The following TMEM132B variants were observed in gnomAD, a reference collection of about 807,000 sequenced individuals.
TMEM132B encodes the protein transmembrane protein 132B.
In TMEM132B, 18 loss-of-function variants were observed where a neutral mutation model predicts 90.8. The ratio of observed to expected loss-of-function variants is 0.20; its 90% confidence interval spans 0.14 to 0.29. TMEM132B has a LOEUF of 0.29. Among genes scored for constraint, TMEM132B ranks in the 10% least tolerant of loss-of-function variants. TMEM132B has a pLI of 1.00. For synonymous variants in TMEM132B, 504 were observed against 523.3 expected, an observed-to-expected ratio of 0.96 and a Z score of 0.50; for missense variants, 1,096 against 1,326.8, an observed-to-expected ratio of 0.83 and a Z score of 2.70.
chr12:125,235,681 G>A (rs1873919295), intron 1 of TMEM132B, among the ~76,000 whole-genome samples: 1 of 151,606 alleles, frequency 6.6e-6, no homozygotes, highest in African/African-American at 2.4e-5. Flanking sequence ...GATTGGCCAA[G>A]TTTGGGTATT....
intron 3 of TMEM132B, among the ~76,000 whole-genome samples, chr12:125,484,716 G>T (rs543436391): frequency 6.6e-6 from 1 of 151,960 alleles, no homozygotes; most frequent in Non-Finnish European, 1.5e-5. Context: ...CTGCAGCCTT[G>T]ATCTCCCAGG....
intron 4 of TMEM132B, among the ~76,000 whole-genome samples, chr12:125,579,574 G>A (rs892164794): frequency 4.6e-5 from 7 of 152,120 alleles, no homozygotes; most frequent in Non-Finnish European, 1.0e-4. Flanking sequence ...ATGTTGGCCA[G>A]GCTGGTCTCA....
intron 5 of TMEM132B, among the ~76,000 whole-genome samples, chr12:125,610,487 G>C (rs1292450421): frequency 6.6e-6 from 1 of 151,970 alleles, no homozygotes; most frequent in Non-Finnish European, 1.5e-5. Flanking sequence ...TGCTTTTTCT[G>C]TGTCCATTGA....
At chr12:125,266,335 A>G (rs998437355) in intron 1 of TMEM132B, among the ~76,000 whole-genome samples, 2 of 152,268 alleles carry the variant, frequency 1.3e-5, no homozygotes, top group African/African-American at 4.8e-5. Context: ...CTTTATGGAA[A>G]ACATTTGCCA....
intron 5 of TMEM132B, among the ~76,000 whole-genome samples, chr12:125,598,712 T>G (rs1423365066): frequency 6.6e-6 from 1 of 152,210 alleles, no homozygotes; most frequent in Admixed American, 6.5e-5. Context: ...ATGCAAACCT[T>G]ACATGATCCA....
In TMEM132B at chr12:125,279,440, GA is replaced by G. The variant is rs372179635; in HGVS notation, c.68-70010del. Among the ~76,000 whole-genome samples, 667 of 152,292 alleles carry G rather than the reference GA, an allele frequency of 4.4e-3. 6 individuals are homozygous for G. Among genetic ancestry groups the G allele is most frequent in the African/African-American group, 0.016 (646 of 41,536 alleles). On this transcript the variant is annotated intron_variant, in intron 1 of 8. Coordinates refer to ENST00000682704, the MANE Select transcript of TMEM132B (RefSeq NM_001366854.1). The stretch of plus-strand genomic sequence containing the variant: ...TGGTGAACACTTGCTTTCCTTCTGG[GA>G]ATCTGGAATATGGGTACATGCTAGG...
At chr12:125,273,041 AACTT>A (rs1447043053) in intron 1 of TMEM132B, among the ~76,000 whole-genome samples, 4 of 152,216 alleles carry the variant, frequency 2.6e-5, no homozygotes, top group Non-Finnish European at 2.9e-5. Flanking sequence ...TTTTTATACT[AACTT>A]GAATAGATAC....
chr12:125,275,635 G>A (rs1317423145), intron 1 of TMEM132B, among the ~76,000 whole-genome samples: 1 of 152,164 alleles, frequency 6.6e-6, no homozygotes, highest in Non-Finnish European at 1.5e-5. Flanking sequence ...TTGAACAGAT[G>A]GTAAGTTGAC....
At chr12:125,393,493 T>C (rs1335662879) in intron 2 of TMEM132B, among the ~76,000 whole-genome samples, 1 of 151,910 alleles carries the variant, frequency 6.6e-6, no homozygotes. Context: ...GGAGGAGGCA[T>C]CAATTAAGAT....
chr12:125,455,310 T>C (rs1881264514), intron 3 of TMEM132B, among the ~76,000 whole-genome samples: 1 of 152,182 alleles, frequency 6.6e-6, no homozygotes, highest in South Asian at 2.1e-4. Flanking sequence ...AGGGGCTTAG[T>C]TCGAGGCAAG....
At chr12:125,585,760 G>A (rs1430687817) in intron 5 of TMEM132B, 1 of 152,148 alleles carries the variant, frequency 6.6e-6, no homozygotes, top group African/African-American at 2.4e-5. Context: ...ACGTTGTTTT[G>A]GAAGATGATA....
chr12:125,533,243 TTGTCACATAATACATGTATGATAAA>T (rs1883694445), intron 4 of TMEM132B, among the ~76,000 whole-genome samples: 1 of 152,216 alleles, frequency 6.6e-6, no homozygotes, highest in African/African-American at 2.4e-5. Context: ...TGCACACTGC[TTGTCACATAATACATGTATGATAAA>T]TGTTAAGAGT....
At chr12:125,515,445 T>A (rs1883109107) in intron 3 of TMEM132B, among the ~76,000 whole-genome samples, 1 of 148,582 alleles carries the variant, frequency 6.7e-6, no homozygotes, top group East Asian at 2.1e-4. Flanking sequence ...ATACACACAT[T>A]CACACATTCC....
chr12:125,374,473 T>G (rs1243034752), intron 2 of TMEM132B, among the ~76,000 whole-genome samples: 1 of 152,098 alleles, frequency 6.6e-6, no homozygotes, highest in African/African-American at 2.4e-5. Context: ...AGAAAGTGGC[T>G]GATTTTAACT....
chr12:125,252,541 G>T (rs1874339917), intron 1 of TMEM132B, among the ~76,000 whole-genome samples: 2 of 152,210 alleles, frequency 1.3e-5, no homozygotes, highest in Admixed American at 6.5e-5. Flanking sequence ...AACAAAGATG[G>T]CTTCTGAACA....
intron 2 of TMEM132B, among the ~76,000 whole-genome samples, chr12:125,401,603 G>T (rs1374726853): frequency 6.6e-6 from 1 of 152,134 alleles, no homozygotes; most frequent in Non-Finnish European, 1.5e-5. Flanking sequence ...GAGAAGGAAT[G>T]TGCTGTTTTA....
rs961270358 is a variant in TMEM132B, at chr12:125,660,901, T to C, written c.*6191T>C. 1 of 152,238 alleles carries C rather than the reference T, an allele frequency of 6.6e-6. No homozygotes were observed. Among genetic ancestry groups the C allele is most frequent in the Non-Finnish European group, 1.5e-5 (1 of 68,046 alleles). The allele number at this position is 152,238 out of a possible 1,614,324, so 9.4% of individuals were successfully genotyped here. A position where few individuals can be genotyped will look rare whatever the true frequency, so the allele number is the denominator to read the frequency against. On this transcript the variant is annotated 3_prime_UTR_variant, in exon 9 of 9. Coordinates refer to ENST00000682704, the MANE Select transcript of TMEM132B (RefSeq NM_001366854.1). ...TAGAAGACCTCTCTATACATCTACA[T>C]TGCCCATTGGAGTAAAGCACTTTAC...
intron 4 of TMEM132B, among the ~76,000 whole-genome samples, chr12:125,532,703 C>T (rs1050082196): frequency 6.6e-6 from 1 of 151,880 alleles, no homozygotes. Flanking sequence ...TTAGTAGAGA[C>T]GGGGTTTCAC....
chr12:125,221,305 C>A (rs1273210682), intron 1 of TMEM132B, among the ~76,000 whole-genome samples: 1 of 152,184 alleles, frequency 6.6e-6, no homozygotes, highest in East Asian at 1.9e-4. Flanking sequence ...GTTCTGTGAG[C>A]ACTTACTTTG....
Sources: gnomAD v4.1 joint callset for allele counts (sites outside exome capture counted in the v4.1 genomes callset) on GRCh38, gnomAD v4.1.1 for gene constraint, MANE v1.5 for transcripts, NCBI Gene and HGNC (gene_info 2026-07-23, HGNC 2026-07-21) for gene names.